The following PRDM16 variants were observed in gnomAD, a reference collection of about 807,000 sequenced individuals.
PRDM16 encodes the protein histone-lysine N-methyltransferase PRDM16.
Under a neutral mutation model 110.6 loss-of-function variants are expected in PRDM16, and 23 were observed. The ratio of observed to expected loss-of-function variants is 0.21; its 90% CI spans 0.15 to 0.29. The LOEUF is 0.29. Ranked by LOEUF, PRDM16 falls within the 10% of genes least tolerant of loss-of-function variation. PRDM16 has a pLI of 1.00. For synonymous variants in PRDM16, 799 were observed against 781.8 expected, an observed-to-expected ratio of 1.02 and a Z score of -0.37; for missense variants, 1,615 against 1,794.3, an observed-to-expected ratio of 0.90 and a Z score of 1.81.
At chr1:3,352,534 C>G (rs369843324) in intron 3 of PRDM16, among the ~76,000 whole-genome samples, 5 of 152,214 alleles carry the variant, frequency 3.3e-5, no homozygotes, top group African/African-American at 9.6e-5. Flanking sequence ...TCTCCCTCCA[C>G]GGGCCCAGCC....
chr1:3,418,682 C>A lies in PRDM16; in HGVS notation c.2877C>A (p.Ile959=). ...ERYTCRYCGK[I]FPRSANLTRH... ...TCCACCCCAGGTACTGTGGGAAGAT[C>A]TTCCCCAGATCAGCCAATCTCACCA... The change falls in exon 12 of 17, where the codon ATC becomes ATA. Residue 959 remains isoleucine (I), a synonymous_variant. Transcript: ENST00000270722. 1 of 1,609,432 alleles carries A rather than the reference C, an allele frequency of 6.2e-7. No homozygotes were observed. Among genetic ancestry groups the A allele is most frequent in the Non-Finnish European group, 8.5e-7 (1 of 1,176,676 alleles).
intron 2 of PRDM16, among the ~76,000 whole-genome samples, chr1:3,193,241 C>A (rs1400886952): frequency 6.6e-6 from 1 of 152,224 alleles, no homozygotes; most frequent in Non-Finnish European, 1.5e-5. Flanking sequence ...GCACTGCCTT[C>A]CTGCCCGTCC....
At chr1:3,151,082 G>A (rs1279710665) in intron 1 of PRDM16, among the ~76,000 whole-genome samples, 2 of 152,004 alleles carry the variant, frequency 1.3e-5, no homozygotes, top group Non-Finnish European at 2.9e-5. Flanking sequence ...GGGAGGTGGC[G>A]GGACCCCTGG....
At chr1:3,116,321 C>T (rs1414768628) in intron 1 of PRDM16, among the ~76,000 whole-genome samples, 3 of 152,280 alleles carry the variant, frequency 2.0e-5, no homozygotes, top group East Asian at 1.9e-4. Context: ...CTCCGCGGTG[C>T]GTGCTTAATA....
At chr1:3,282,676 G>A (rs1046055718) in intron 3 of PRDM16, among the ~76,000 whole-genome samples, 14 of 152,198 alleles carry the variant, frequency 9.2e-5, no homozygotes, top group East Asian at 5.8e-4. Flanking sequence ...GGCATCTCCC[G>A]AGACCCAGGA....
At chr1:3,267,041 G>T (rs559498361) in intron 3 of PRDM16, among the ~76,000 whole-genome samples, 34 of 152,242 alleles carry the variant, frequency 2.2e-4, no homozygotes, top group African/African-American at 8.2e-4. Flanking sequence ...TGTACAAAAC[G>T]TATAACTAAT....
At chr1:3,327,506 G>A (rs997128578) in intron 3 of PRDM16, among the ~76,000 whole-genome samples, 3 of 149,320 alleles carry the variant, frequency 2.0e-5, no homozygotes, top group African/African-American at 7.3e-5. Flanking sequence ...CGGCGGCCCC[G>A]GGCAGGGATT....
chr1:3,396,482 C>G lies in PRDM16; in HGVS notation c.574-9C>G. On this transcript the variant is annotated splice_polypyrimidine_tract_variant and intron_variant, in intron 4 of 16. Transcript: ENST00000270722. ...CACTCACCCTTTCTCTCTGGTCTCT[C>G]CATCCTAGATTTACTATAAAGTCAT... The G allele has an allele frequency of 6.7e-7, 1 of 1,502,118 alleles. No homozygotes were observed. The highest frequency in any genetic ancestry group is 9.2e-7 in the Non-Finnish European group (1 of 1,089,518). 93.0% of individuals were successfully genotyped at this position (1,502,118 alleles called of 1,614,324 possible).
At position 3,080,270 on chromosome 1, in the gene PRDM16, G is replaced by A. The variant is rs528714295; in HGVS notation, c.37+10974G>A. Among the ~76,000 whole-genome samples the A allele has an allele frequency of 2.9e-4, 44 of 152,292 alleles. 1 individual carries two copies. In the South Asian group the frequency reaches 7.5e-3, roughly 26 times the overall value. ...AAATATTAAATTGCAATAACACGCC[G>A]TGCGAGTGCCTCTCTGAATGGGGTA... On this transcript the variant is annotated intron_variant, in intron 1 of 16. Coordinates refer to ENST00000270722, the MANE Select transcript of PRDM16 (RefSeq NM_022114.4). This position sits in a 1 kb window ranked among gnomAD's most constrained non-coding sequence, Gnocchi z 5.2.
chr1:3,235,861 C>T (rs1026293230), intron 2 of PRDM16, among the ~76,000 whole-genome samples: 3 of 152,148 alleles, frequency 2.0e-5, no homozygotes, highest in East Asian at 1.9e-4. Flanking sequence ...CTGTGTGGGG[C>T]GGAGCTCTGA....
chr1:3,392,598 G>A (rs1000999941), intron 4 of PRDM16, among the ~76,000 whole-genome samples: 7 of 152,130 alleles, frequency 4.6e-5, no homozygotes, highest in Non-Finnish European at 7.3e-5. Context: ...TTCGAAAGTC[G>A]TCTCTTTTCT....
rs550217166 is a variant in PRDM16, at chr1:3,246,112, C to T, written c.438+1975C>T. Among the ~76,000 whole-genome samples the T allele has an allele frequency of 3.9e-5, 6 of 152,180 alleles. No homozygotes were observed. Among genetic ancestry groups the T allele is most frequent in the African/African-American group, 7.2e-5 (3 of 41,452 alleles). On this transcript the variant is annotated intron_variant, in intron 3 of 16. Transcript: ENST00000270722. This position sits in a 1 kb window ranked among gnomAD's most constrained non-coding sequence, Gnocchi z 5.2. ...AGTGCTGGCTGCTTCTGAACCAGAA[C>T]GAACTAGGACAGAAGGAGGGTGAAG... is the stretch of plus-strand genomic sequence containing the variant.
At chr1:3,404,194 G>A (rs552146484) in intron 6 of PRDM16, among the ~76,000 whole-genome samples, 2 of 152,204 alleles carry the variant, frequency 1.3e-5, no homozygotes, top group African/African-American at 4.8e-5. Flanking sequence ...CCAAGAGCAG[G>A]GAATTAGAGC....
intron 8 of PRDM16, among the ~76,000 whole-genome samples, chr1:3,406,244 G>A (rs988073333): frequency 6.6e-5 from 10 of 152,072 alleles, no homozygotes; most frequent in Non-Finnish European, 1.2e-4. Context: ...TGGGTGCAGC[G>A]GTGTGGGGTT....
intron 3 of PRDM16, among the ~76,000 whole-genome samples, chr1:3,375,904 G>C (rs1162774422): frequency 3.9e-5 from 6 of 152,220 alleles, no homozygotes; most frequent in African/African-American, 1.2e-4. Flanking sequence ...GGGGAGGAGG[G>C]AACGAAGGAG....
chr1:3,079,649 C>G (rs1441079771), intron 1 of PRDM16, among the ~76,000 whole-genome samples: 1 of 152,236 alleles, frequency 6.6e-6, no homozygotes, highest in Non-Finnish European at 1.5e-5. Context: ...CGTTTCTGAA[C>G]TACTTGAAAA....
At position 3,163,983 on chromosome 1, in the gene PRDM16, G is replaced by T. The variant is rs570762910; in HGVS notation, c.38-22142G>T. On this transcript the variant is annotated intron_variant, in intron 1 of 16. Transcript: ENST00000270722. ...CCCAAGGGAGCCCTGGGGCCCAGGG[G>T]ACGCAGCTGCCACCAAGGCCCTGCT... 2.6e-4 allele frequency among the ~76,000 whole-genome samples: 39 copies of T among 152,330 alleles called. 1 individual carries two copies. Among genetic ancestry groups the T allele is most frequent in the African/African-American group, 9.4e-4 (39 of 41,578 alleles).
At position 3,360,359 on chromosome 1, in the gene PRDM16, G is replaced by T. The variant is rs114336647; in HGVS notation, c.439-24793G>T. Among the ~76,000 whole-genome samples the T allele has an allele frequency of 9.2e-3, 1,407 of 152,264 alleles. 23 individuals are homozygous for T. Among genetic ancestry groups the T allele is most frequent in the African/African-American group, 0.032 (1,332 of 41,542 alleles). The stretch of plus-strand genomic sequence containing the variant: ...TGGAGCACCCTCATGCTCTGTGATG[G>T]GTGTGCCGGGCCACAGGTCCCCAGC... On this transcript the variant is annotated intron_variant, in intron 3 of 16. Coordinates refer to ENST00000270722, the MANE Select transcript of PRDM16 (RefSeq NM_022114.4).
intron 3 of PRDM16, among the ~76,000 whole-genome samples, chr1:3,338,565 G>A (rs1178784656): frequency 6.6e-6 from 1 of 152,202 alleles, no homozygotes; most frequent in Non-Finnish European, 1.5e-5. Context: ...GCCCAGGGTG[G>A]CCAGTTGATG....
Sources: allele counts gnomAD v4.1 joint callset (sites outside exome capture counted in the v4.1 genomes callset), GRCh38; gene constraint gnomAD v4.1.1; non-coding constraint Gnocchi (gnomAD v3.1); transcripts MANE v1.5; gene names NCBI Gene and HGNC (gene_info 2026-07-23, HGNC 2026-07-21).